The following ADGRL3 variants were observed in gnomAD, a reference collection of about 807,000 sequenced individuals.
ADGRL3 encodes the protein calcium-independent alpha-latrotoxin receptor 3.
A neutral mutation model predicts 153.5 loss-of-function variants in ADGRL3; 62 were observed. The observed-to-expected ratio is 0.40, with a 90% CI of 0.33 to 0.50. The LOEUF (loss-of-function observed/expected upper bound fraction) is 0.50. ADGRL3 is among the 20% of genes least tolerant of loss of function. The pLI is 0.47. For missense variants in ADGRL3, 1,641 were observed against 1,859.4 expected (o/e 0.88, Z 2.16); for synonymous variants, 710 against 672.5 (o/e 1.06, Z -0.86).
chr4:61,297,634 G>A (rs1049578443), intron 1 of ADGRL3, among the ~76,000 whole-genome samples: 1 of 151,524 alleles, frequency 6.6e-6, no homozygotes, highest in Admixed American at 6.6e-5. Flanking sequence ...TGGAGATGAG[G>A]AGGGATTTTG....
chr4:61,221,450 G>A lies in ADGRL3; in HGVS notation c.-240+19685G>A, dbSNP rs140232106. ...AACTGCTGTTTCAACATAAGACATC[G>A]TCTGTTCTCTAATTATAGTATTCAA... On this transcript the variant is annotated intron_variant, in intron 1 of 26. Transcript: ENST00000683033. 1.6e-3 allele frequency among the ~76,000 whole-genome samples: 243 copies of A among 152,168 alleles called. 1 individual carries two copies. The highest frequency in any genetic ancestry group is 5.5e-3 in the African/African-American group (228 of 41,542).
At chr4:61,932,818 G>T (rs79639194) in intron 13 of ADGRL3, among the ~76,000 whole-genome samples, 236 of 152,168 alleles carry the variant, frequency 1.6e-3, no homozygotes, top group African/African-American at 5.6e-3. Flanking sequence ...GCTTTTCTTT[G>T]TTGGGAGGCT....
chr4:62,054,308 T>C (rs1055812572), intron 25 of ADGRL3, among the ~76,000 whole-genome samples: 1 of 151,584 alleles, frequency 6.6e-6, no homozygotes, highest in Non-Finnish European at 1.5e-5. Flanking sequence ...ATTAATAAAT[T>C]ACTAATAAGA....
chr4:61,635,000 G>A (rs893349895), intron 5 of ADGRL3, among the ~76,000 whole-genome samples: 29 of 152,078 alleles, frequency 1.9e-4, no homozygotes, highest in African/African-American at 6.0e-4. Context: ...AGACTGAGGC[G>A]AGGGCAAGAA....
chr4:61,713,769 G>C (rs970567776), intron 6 of ADGRL3, among the ~76,000 whole-genome samples: 3 of 152,080 alleles, frequency 2.0e-5, no homozygotes, highest in African/African-American at 7.2e-5. Context: ...TCTTACAATA[G>C]AGGTCTATCT....
At chr4:61,979,796 G>A in intron 18 of ADGRL3, 24 bp downstream of exon 18, 1 of 1,592,552 alleles carries the variant, frequency 6.3e-7, no homozygotes. Context: ...ATTGATACCA[G>A]TGAAGAATTT....
intron 4 of ADGRL3, chr4:61,579,469 GT>G (rs1420906672): frequency 6.8e-6 from 2 of 294,584 alleles, no homozygotes; most frequent in African/African-American, 4.5e-5. Context: ...TCTATTAAAT[GT>G]TGAAATGCTA....
intron 8 of ADGRL3, among the ~76,000 whole-genome samples, chr4:61,770,192 G>C (rs1376058421): frequency 6.6e-6 from 1 of 152,218 alleles, no homozygotes; most frequent in Non-Finnish European, 1.5e-5. Flanking sequence ...AATGGGACAA[G>C]TTAGGGTTAC....
chr4:61,911,431 G>T (rs1014347575), intron 12 of ADGRL3, among the ~76,000 whole-genome samples: 2 of 152,068 alleles, frequency 1.3e-5, no homozygotes, highest in African/African-American at 2.4e-5. Context: ...TATATAATGT[G>T]GTTTGTCATA....
intron 8 of ADGRL3, among the ~76,000 whole-genome samples, chr4:61,751,006 C>T (rs1406887000): frequency 2.0e-5 from 3 of 152,096 alleles, no homozygotes; most frequent in Admixed American, 6.5e-5. Flanking sequence ...GGTGAGCGAG[C>T]ATTACTGCCT....
intron 25 of ADGRL3, among the ~76,000 whole-genome samples, chr4:62,062,002 T>C (rs1020159475): frequency 6.6e-6 from 1 of 152,040 alleles, no homozygotes; most frequent in African/African-American, 2.4e-5. Flanking sequence ...CTGGGTGTCA[T>C]AGTAATTGCA....
intron 9 of ADGRL3, among the ~76,000 whole-genome samples, chr4:61,854,076 T>A (rs1034883249): frequency 6.6e-6 from 1 of 152,220 alleles, no homozygotes; most frequent in Non-Finnish European, 1.5e-5. Context: ...CCAGAGCATC[T>A]GGGAATTTAT....
At chr4:61,541,114 G>A (rs2098687885) in intron 4 of ADGRL3, among the ~76,000 whole-genome samples, 1 of 152,124 alleles carries the variant, frequency 6.6e-6, no homozygotes, top group Admixed American at 6.5e-5. Context: ...CCAGCAGCCT[G>A]GAGAGTTATA....
At chr4:61,361,009 A>T (rs776659882) in intron 1 of ADGRL3, among the ~76,000 whole-genome samples, 1 of 152,256 alleles carries the variant, frequency 6.6e-6, no homozygotes, top group African/African-American at 2.4e-5. Context: ...TACCCACAAA[A>T]CACTATTAAT....
intron 9 of ADGRL3, among the ~76,000 whole-genome samples, chr4:61,816,742 G>A (rs757306868): frequency 1.6e-4 from 25 of 152,272 alleles, no homozygotes; most frequent in Admixed American, 1.5e-3. Flanking sequence ...GCCAGCTGCA[G>A]CAGGGGAGGC....
intron 11 of ADGRL3, among the ~76,000 whole-genome samples, chr4:61,909,087 G>A (rs1012238880): frequency 6.6e-6 from 1 of 152,138 alleles, no homozygotes; most frequent in East Asian, 1.9e-4. Flanking sequence ...ACTTTGAAAA[G>A]CCTGGATTTT....
intron 1 of ADGRL3, among the ~76,000 whole-genome samples, chr4:61,255,758 G>A (rs1417792425): frequency 2.6e-5 from 4 of 152,082 alleles, no homozygotes; most frequent in Non-Finnish European, 5.9e-5. Context: ...CCACTATCCT[G>A]TCTGCCTCTC....
At chr4:62,003,066 C>T (rs2151121336) in intron 21 of ADGRL3, among the ~76,000 whole-genome samples, 1 of 152,238 alleles carries the variant, frequency 6.6e-6, no homozygotes. Flanking sequence ...TTAATAACAT[C>T]TCAAGTTATT....
At chr4:61,754,145 C>T (rs1297206255) in intron 8 of ADGRL3, among the ~76,000 whole-genome samples, 2 of 152,144 alleles carry the variant, frequency 1.3e-5, no homozygotes, top group African/African-American at 2.4e-5. Flanking sequence ...TTCCTTAAAA[C>T]TTTCTAGTCA....
Sources: gnomAD v4.1 joint callset for allele counts (sites outside exome capture counted in the v4.1 genomes callset) on GRCh38, gnomAD v4.1.1 for gene constraint, MANE v1.5 for transcripts, NCBI Gene and HGNC (gene_info 2026-07-23, HGNC 2026-07-21) for gene names.